SGCD: variants seen among roughly 807,000 people sequenced by gnomAD.
The protein encoded by SGCD is sarcoglycan delta.
A neutral mutation model predicts 36.6 loss-of-function variants in SGCD; 18 were observed. The observed-to-expected ratio is 0.49, with a 90% CI of 0.34 to 0.73. The LOEUF (loss-of-function observed/expected upper bound fraction) is 0.73, where lower values mean the gene tolerates loss of function less well. SGCD is among the 30% of genes least tolerant of loss of function. The pLI, the probability that SGCD is intolerant of heterozygous loss-of-function variation, is 0.01. For synonymous variants in SGCD, 133 were observed against 130.6 expected (o/e 1.02, Z -0.12); for missense variants, 387 against 346.7 (o/e 1.12, Z -0.92).
intron 2 of SGCD, among the ~76,000 whole-genome samples, chr5:156,331,759 C>G (rs1463747161): frequency 6.6e-6 from 1 of 152,182 alleles, no homozygotes; most frequent in Non-Finnish European, 1.5e-5. Flanking sequence ...GTAAGCTCCT[C>G]TCTCCGAACG....
intron 7 of SGCD, among the ~76,000 whole-genome samples, chr5:156,738,932 A>C (rs1756519135): frequency 6.6e-6 from 1 of 152,246 alleles, no homozygotes; most frequent in South Asian, 2.1e-4. Context: ...GCTTGGGCTC[A>C]AAATCCTGAG....
chr5:155,811,764 T>C, the SGCD span, among the ~76,000 whole-genome samples: 1 of 152,160 alleles, frequency 6.6e-6, no homozygotes, highest in South Asian at 2.1e-4. Context: ...GTGTCAATAA[T>C]GCACTGGATA....
chr5:156,694,362 C>T (rs1754227476), intron 7 of SGCD, among the ~76,000 whole-genome samples: 2 of 152,212 alleles, frequency 1.3e-5, no homozygotes, highest in African/African-American at 4.8e-5. Context: ...TTCCTTTAAA[C>T]TTCTTGGGCA....
chr5:155,932,681 G>A (rs1042692664), intron 1 of SGCD, among the ~76,000 whole-genome samples: 12 of 152,094 alleles, frequency 7.9e-5, no homozygotes, highest in African/African-American at 2.4e-4. Flanking sequence ...GAGACATTTT[G>A]CTGATGTGTA....
At chr5:156,067,706 A>C (rs1470234605) in intron 1 of SGCD, among the ~76,000 whole-genome samples, 1 of 127,038 alleles carries the variant, frequency 7.9e-6, no homozygotes, top group African/African-American at 4.2e-5. Context: ...CCTATTTTCC[A>C]GGTGCGACCA....
intron 3 of SGCD, among the ~76,000 whole-genome samples, chr5:156,407,293 T>C (rs761658225): frequency 1.3e-5 from 2 of 152,244 alleles, no homozygotes; most frequent in Admixed American, 1.3e-4. Context: ...GGAACTGTTA[T>C]AATCGCAACC....
chr5:156,262,538 A>T (rs918741703), intron 3 of SGCD, among the ~76,000 whole-genome samples: 2 of 151,876 alleles, frequency 1.3e-5, no homozygotes, highest in African/African-American at 4.8e-5. Context: ...GTAAATTTTT[A>T]TTTTTTTTAT....
intron 3 of SGCD, among the ~76,000 whole-genome samples, chr5:156,301,453 A>T (rs966882568): frequency 2.0e-5 from 3 of 152,034 alleles, no homozygotes; most frequent in African/African-American, 7.2e-5. Context: ...ATATCTTATT[A>T]TACTGTCTAT....
chr5:156,187,635 A>G (rs1763795697), intron 3 of SGCD, among the ~76,000 whole-genome samples: 1 of 152,230 alleles, frequency 6.6e-6, no homozygotes, highest in African/African-American at 2.4e-5. Context: ...TGTGTTATAA[A>G]TGGTAAGGTG....
chr5:156,449,440 TA>T (rs1196806622), intron 3 of SGCD, among the ~76,000 whole-genome samples: 2 of 151,672 alleles, frequency 1.3e-5, no homozygotes, highest in Non-Finnish European at 2.9e-5. Context: ...ACTGAACAAA[TA>T]AGTGAGTAAA....
chr5:156,356,639 G>A (rs1238132863), intron 3 of SGCD, among the ~76,000 whole-genome samples: 1 of 152,156 alleles, frequency 6.6e-6, no homozygotes, highest in Non-Finnish European at 1.5e-5. Context: ...AGAGGAGTAC[G>A]TGGGATGGGA....
At chr5:156,386,426 T>TG (rs1321738217) in intron 3 of SGCD, among the ~76,000 whole-genome samples, 1 of 152,232 alleles carries the variant, frequency 6.6e-6, no homozygotes, top group Non-Finnish European at 1.5e-5. Flanking sequence ...ACAATACATG[T>TG]GGCCAAGGGT....
intron 1 of SGCD, among the ~76,000 whole-genome samples, chr5:155,983,291 C>T (rs1242231520): frequency 6.6e-6 from 1 of 152,178 alleles, no homozygotes; most frequent in Admixed American, 6.5e-5. Flanking sequence ...GCTAGAAGAG[C>T]TAGGGCTCAA....
chr5:156,375,495 G>A (rs189191542), intron 3 of SGCD, among the ~76,000 whole-genome samples: 26 of 150,482 alleles, frequency 1.7e-4, no homozygotes, highest in African/African-American at 5.1e-4. Context: ...GTGGGAAAAT[G>A]TGAGAGTGAG....
At chr5:156,266,584 G>T (rs1766005088) in intron 3 of SGCD, among the ~76,000 whole-genome samples, 1 of 152,168 alleles carries the variant, frequency 6.6e-6, no homozygotes, top group Non-Finnish European at 1.5e-5. Flanking sequence ...CTGGGCTTAA[G>T]CTATCCTCCT....
At chr5:155,943,992 T>G (rs528742684) in intron 1 of SGCD, among the ~76,000 whole-genome samples, 1 of 152,338 alleles carries the variant, frequency 6.6e-6, no homozygotes, top group South Asian at 2.1e-4. Context: ...TCAGTGGTCC[T>G]CCTTCTGTCC....
rs868528699 is a variant in SGCD at position 156,260,506 on chromosome 5, G to C, written c.-43-69028G>C. 3.3e-5 allele frequency among the ~76,000 whole-genome samples: 5 copies of C among 152,176 alleles called. 1 individual carries two copies. The highest frequency in any genetic ancestry group is 7.4e-5 in the Non-Finnish European group (5 of 67,948). On this transcript the variant is annotated intron_variant, in intron 3 of 9. Coordinates refer to the SGCD transcript ENST00000517913. Reference sequence around the variant, plus strand: ...GATGCTATTGTAAATGGTATTGTAAGTTGATTTTTCTGAATACCCATTGTT... The same window carrying C: ...GATGCTATTGTAAATGGTATTGTAACTTGATTTTTCTGAATACCCATTGTT...
intron 4 of SGCD, among the ~76,000 whole-genome samples, chr5:156,580,317 C>G (rs186221426): frequency 6.6e-6 from 1 of 152,172 alleles, no homozygotes; most frequent in South Asian, 2.1e-4. Flanking sequence ...TTGTGGGTAA[C>G]CCAACCGTTC....
chr5:156,687,763 G>A (rs1753958198), intron 7 of SGCD, among the ~76,000 whole-genome samples: 1 of 152,154 alleles, frequency 6.6e-6, no homozygotes, highest in Non-Finnish European at 1.5e-5. Context: ...AGAAAAACAT[G>A]CCATTTACTT....
Sources: allele counts gnomAD v4.1 joint callset (sites outside exome capture counted in the v4.1 genomes callset), GRCh38; gene constraint gnomAD v4.1.1; transcripts MANE v1.5; gene names NCBI Gene and HGNC (gene_info 2026-07-23, HGNC 2026-07-21).